The following ITGA11 variants were observed in gnomAD, a reference collection of about 807,000 sequenced individuals.
ITGA11 encodes integrin subunit alpha 11, also known as integrin alpha-11.
Under a neutral mutation model 141.9 loss-of-function variants are expected in ITGA11, and 97 were observed. That is an observed-to-expected ratio of 0.68 (90% confidence interval 0.58 to 0.81). The LOEUF is 0.81. Among genes scored for constraint, ITGA11 ranks in the 30% least tolerant of loss-of-function variants. The pLI is 0.00. For missense variants in ITGA11, 1,387 were observed against 1,559.2 expected (o/e 0.89, Z 1.86); for synonymous variants, 658 against 624.6 (o/e 1.05, Z -0.80).
chr15:68,302,779 G>C lies in ITGA11; in HGVS notation c.*280C>G. On this transcript the variant is annotated 3_prime_UTR_variant, in exon 30 of 30. Coordinates refer to ENST00000315757, the MANE Select transcript of ITGA11 (RefSeq NM_001004439.2). ...AGCAAATGCCCTCCACAGAGCCTGA[G>C]GGAGGCCTTGGCATGGGCCTGGGTG... 2.6e-6 allele frequency: 1 copy of C among 392,104 alleles called. No individual in the cohort carries two copies. The highest frequency in any genetic ancestry group is 4.5e-6 in the Non-Finnish European group (1 of 220,850). 24.3% of individuals were successfully genotyped at this position (392,104 alleles called of 1,614,324 possible).
At chr15:68,352,597 C>G (rs913736923) in intron 7 of ITGA11, among the ~76,000 whole-genome samples, 1 of 152,354 alleles carries the variant, frequency 6.6e-6, no homozygotes, top group South Asian at 2.1e-4. Context: ...CCAGACAACA[C>G]TAACCCATAA....
rs771219909 is a variant in ITGA11 at position 68,331,895 on chromosome 15, G to A, written c.1734C>T (p.His578=). 40 of 1,613,086 alleles carry A rather than the reference G, an allele frequency of 2.5e-5. No individual in the cohort carries two copies. The highest frequency in any genetic ancestry group is 1.6e-4 in the Middle Eastern group (1 of 6,084). Residue 578 remains histidine, a synonymous_variant, in exon 14 of 30, where the codon CAC becomes CAT. Transcript: ENST00000315757. ...DNHAGAIYIF[H]GFRGSILKTP... ...TCTTCAGGATGCTGCCTCGGAAGCC[G>A]TGGAAGATGTAGATGGCTCCTGCGT...
intron 20 of ITGA11, among the ~76,000 whole-genome samples, chr15:68,319,619 G>A (rs563969616): frequency 4.6e-5 from 7 of 152,342 alleles, no homozygotes; most frequent in South Asian, 2.1e-4. Context: ...GGGAAGAACC[G>A]GTTCTGATTC....
intron 3 of ITGA11, 104 bp from the exon 4 acceptor site, chr15:68,364,902 G>C: frequency 9.2e-7 from 1 of 1,083,838 alleles, no homozygotes; most frequent in Non-Finnish European, 1.4e-6. Context: ...GATTCTCCCT[G>C]ACCCTGGGGA....
intron 1 of ITGA11, among the ~76,000 whole-genome samples, chr15:68,418,440 G>C (rs981565003): frequency 6.6e-6 from 1 of 152,188 alleles, no homozygotes; most frequent in African/African-American, 2.4e-5. Flanking sequence ...CTTTGGACCA[G>C]TTTCTTACTT....
chr15:68,390,674 C>T (rs1896097968), intron 2 of ITGA11, among the ~76,000 whole-genome samples: 1 of 152,204 alleles, frequency 6.6e-6, no homozygotes, highest in South Asian at 2.1e-4. Flanking sequence ...TCAATCAAGT[C>T]AGCAGTGGCC....
chr15:68,394,845 C>A (rs557668330), intron 2 of ITGA11, among the ~76,000 whole-genome samples: 35 of 152,182 alleles, frequency 2.3e-4, no homozygotes, highest in Non-Finnish European at 4.3e-4. Flanking sequence ...TTGAAAAACC[C>A]AAGTTACTAA....
At chr15:68,358,911 T>C (rs1895156085) in intron 5 of ITGA11, among the ~76,000 whole-genome samples, 1 of 152,226 alleles carries the variant, frequency 6.6e-6, no homozygotes, top group African/African-American at 2.4e-5. Context: ...ACCTTGGTAT[T>C]GTTTGTTTTG....
rs200299485 is a variant in ITGA11, at chr15:68,339,615, G to C, written c.1161C>G (p.Ala387=). The change falls in exon 11 of 30, where the codon GCC becomes GCG. Residue 387 remains alanine, a synonymous_variant. Coordinates refer to ENST00000315757, the MANE Select transcript of ITGA11 (RefSeq NM_001004439.2). ...EDGVLLGAVG[A]YDWNGAVLKE... is the part of the protein sequence containing the mutation. ...TTAGCACAGCTCCATTCCAGTCATA[G>C]GCACCGACGGCTCCCAGCAGAACCC... 633 of 1,613,982 alleles carry C rather than the reference G, an allele frequency of 3.9e-4. 3 individuals are homozygous for C. The African/African-American group carries it at 7.2e-3, about 18-fold the overall frequency.
intron 2 of ITGA11, among the ~76,000 whole-genome samples, chr15:68,378,109 C>G (rs1177352542): frequency 6.6e-6 from 1 of 152,194 alleles, no homozygotes; most frequent in Non-Finnish European, 1.5e-5. Context: ...TAATGTCCCC[C>G]AATTATTGAG....
At chr15:68,383,251 A>T (rs899721503) in intron 2 of ITGA11, among the ~76,000 whole-genome samples, 2 of 151,602 alleles carry the variant, frequency 1.3e-5, no homozygotes, top group African/African-American at 4.9e-5. Flanking sequence ...AGCCTGGTCG[A>T]CAGAGCGAGG....
chr15:68,365,696 CTCTTTTCTT>C, intron 3 of ITGA11, among the ~76,000 whole-genome samples: 1 of 138,906 alleles, frequency 7.2e-6, no homozygotes, highest in Admixed American at 7.4e-5. Context: ...CTTTTCTTTT[CTCTTTTCTT>C]TTTTTTTAAT....
intron 2 of ITGA11, among the ~76,000 whole-genome samples, chr15:68,383,434 C>A (rs986109373): frequency 1.3e-5 from 2 of 152,166 alleles, no homozygotes; most frequent in Non-Finnish European, 2.9e-5. Context: ...ATTTATGGCA[C>A]CTTCATTTGT....
At position 68,312,845 on chromosome 15, in the gene ITGA11, G is replaced by T; in HGVS notation, c.2901C>A (p.His967Gln). 1 of 1,613,424 alleles carries T rather than the reference G, an allele frequency of 6.2e-7. No homozygotes were observed. Among genetic ancestry groups the T allele is most frequent in the Non-Finnish European group, 8.5e-7 (1 of 1,179,460 alleles). Reference protein sequence around the residue: ...VLFTRSSSLSHYEVKPNSSLE... With the variant: ...VLFTRSSSLSQYEVKPNSSLE... ...GCGAGCTGTTGGGCTTGACCTCGTA[G>T]TGGCTCAGGCTGCTGCTCCTGCGGA... The change falls in exon 24 of 30, where the codon CAC (histidine) becomes CAA (glutamine). Residue 967 changes from histidine to glutamine, a missense_variant. Transcript: ENST00000315757.
At chr15:68,338,933 G>A (rs1219686313) in intron 11 of ITGA11, among the ~76,000 whole-genome samples, 5 of 152,198 alleles carry the variant, frequency 3.3e-5, no homozygotes, top group Non-Finnish European at 7.3e-5. Context: ...CATGCCTGGG[G>A]ATGGCCAGGT....
intron 4 of ITGA11, 60 bp downstream of exon 4, chr15:68,364,647 A>ACCCCCC: frequency 3.3e-6 from 3 of 904,822 alleles, no homozygotes; most frequent in Non-Finnish European, 1.8e-6. Flanking sequence ...GAGACGCTCC[A>ACCCCCC]CCCCTCCCCA....
intron 5 of ITGA11, among the ~76,000 whole-genome samples, chr15:68,359,524 T>TA (rs1895177721): frequency 6.6e-6 from 1 of 152,128 alleles, no homozygotes; most frequent in African/African-American, 2.4e-5. Flanking sequence ...TGCACACCTG[T>TA]AATCCCAGCT....
At chr15:68,319,173 G>A (rs1004426894) in intron 20 of ITGA11, among the ~76,000 whole-genome samples, 2 of 152,258 alleles carry the variant, frequency 1.3e-5, no homozygotes, top group Admixed American at 6.5e-5. Context: ...AGGCTCAGGC[G>A]CCAGCTGTGG....
chr15:68,341,799 G>A (rs1298854118), intron 10 of ITGA11, among the ~76,000 whole-genome samples: 1 of 152,236 alleles, frequency 6.6e-6, no homozygotes, highest in East Asian at 1.9e-4. Context: ...GAGAAGGGCT[G>A]GCTTGGCCCA....
Sources: gnomAD v4.1 joint callset for allele counts (sites outside exome capture counted in the v4.1 genomes callset) on GRCh38, gnomAD v4.1.1 for gene constraint, MANE v1.5 for transcripts, NCBI Gene and HGNC (gene_info 2026-07-23, HGNC 2026-07-21) for gene names.